GAD1: variants seen among roughly 807,000 people sequenced by gnomAD.
The protein encoded by GAD1 is glutamate decarboxylase 1.
GAD1 carries 35 observed loss-of-function variants against 75.2 expected under a neutral mutation model. The ratio of observed to expected loss-of-function variants is 0.47; its 90% CI spans 0.36 to 0.62. GAD1 has a LOEUF of 0.62. Among genes scored for constraint, GAD1 ranks in the 20% least tolerant of loss-of-function variants. GAD1 has a pLI of 0.00. For missense variants in GAD1, 490 were observed against 758.5 expected (o/e 0.65, Z 4.16); for synonymous variants, 257 against 271.9 (o/e 0.95, Z 0.54).
At chr2:170,840,827 G>A (rs1243818824) in intron 6 of GAD1, among the ~76,000 whole-genome samples, 4 of 152,080 alleles carry the variant, frequency 2.6e-5, no homozygotes, top group Admixed American at 2.0e-4. Flanking sequence ...TATAGTCTTC[G>A]ATCAGAGTGA....
chr2:170,842,491 C>G, intron 6 of GAD1: 2 of 1,245,828 alleles, frequency 1.6e-6, no homozygotes, highest in Non-Finnish European at 2.4e-6. Context: ...GGTTAAAAGC[C>G]CATCATGAGT....
rs1702794823 is a variant in GAD1 at position 170,853,751 on chromosome 2, A to G, written c.1264-122A>G. 1.7e-5 allele frequency: 16 copies of G among 958,364 alleles called. No individual in the cohort carries two copies. The highest frequency in any genetic ancestry group is 2.7e-4 in the Middle Eastern group (1 of 3,732). The allele number at this position is 958,364 out of a possible 1,614,324, so 59.4% of individuals were successfully genotyped here. A position where few individuals can be genotyped will look rare whatever the true frequency, so the allele number is the denominator to read the frequency against. ...CATCAGAACAAGTGTAAGGCCTCAT[A>G]AAGACATCAGAAGAAAGATTGCATA... is the stretch of plus-strand genomic sequence containing the variant. On this transcript the variant is annotated intron_variant, in intron 13 of 16. Transcript: ENST00000358196. The surrounding 1 kb of genome is among the most constrained non-coding windows in gnomAD (Gnocchi z 4.1).
chr2:170,849,238 C>G, intron 11 of GAD1, 48 bp from the exon 12 acceptor site: 1 of 1,540,380 alleles, frequency 6.5e-7, no homozygotes, highest in South Asian at 1.1e-5. Flanking sequence ...GTTTTAGATT[C>G]TTAAATGTCA....
In GAD1 at chr2:170,818,380, C is replaced by G; in HGVS notation, c.-63-149C>G. ...CTCCGCTGCCCCCACCCCTGCGCAC[C>G]CCTACCAGGCAGGCTCGCTGCCTTT... On this transcript the variant is annotated intron_variant, in intron 1 of 16. Coordinates refer to ENST00000358196, the MANE Select transcript of GAD1 (RefSeq NM_000817.3). This position sits in a 1 kb window ranked among gnomAD's most constrained non-coding sequence, Gnocchi z 5.9. 8.2e-6 allele frequency: 5 copies of G among 607,178 alleles called. No homozygotes were observed. Among genetic ancestry groups the G allele is most frequent in the Non-Finnish European group, 1.5e-5 (5 of 337,052 alleles). The allele number at this position is 607,178 out of a possible 1,614,324, so 37.6% of individuals were successfully genotyped here.
At chr2:170,831,887 G>A (rs1702242608) in intron 5 of GAD1, among the ~76,000 whole-genome samples, 2 of 150,352 alleles carry the variant, frequency 1.3e-5, no homozygotes, top group Non-Finnish European at 2.9e-5. Context: ...AGGAGGCTGA[G>A]GCCAAGAGGC....
chr2:170,860,160 A>C lies in GAD1; in HGVS notation c.*278A>C. On this transcript the variant is annotated 3_prime_UTR_variant, in exon 17 of 17. Transcript: ENST00000358196. ...TATAGTGAGTGTGGCTTAGTAATAG[A>C]TCACGGCATGTTTCCCGCTCCAAGA... is the stretch of plus-strand genomic sequence containing the variant. The C allele has an allele frequency of 2.8e-6, 1 of 360,840 alleles. No individual in the cohort carries two copies. Among genetic ancestry groups the C allele is most frequent in the Non-Finnish European group, 5.2e-6 (1 of 194,132 alleles). 22.4% of individuals were successfully genotyped at this position (360,840 alleles called of 1,614,324 possible).
At chr2:170,833,932 G>A (rs147381403) in intron 5 of GAD1, among the ~76,000 whole-genome samples, 126 of 152,114 alleles carry the variant, frequency 8.3e-4, no homozygotes, top group African/African-American at 2.8e-3. Flanking sequence ...CCCGGGAGGC[G>A]GAGGTTGCAG....
chr2:170,838,960 A>G (rs773858044), intron 6 of GAD1, among the ~76,000 whole-genome samples: 4 of 152,244 alleles, frequency 2.6e-5, no homozygotes, highest in Non-Finnish European at 2.9e-5. Flanking sequence ...GAGACAAGGC[A>G]TTGTCTGAAG....
chr2:170,834,175 G>T (rs1702310803), intron 5 of GAD1, among the ~76,000 whole-genome samples: 1 of 152,152 alleles, frequency 6.6e-6, no homozygotes, highest in Non-Finnish European at 1.5e-5. Flanking sequence ...GAAACCTCCT[G>T]CTATATCTCA....
At chr2:170,846,824 A>G (rs1295653527) in intron 10 of GAD1, among the ~76,000 whole-genome samples, 1 of 152,180 alleles carries the variant, frequency 6.6e-6, no homozygotes, top group Non-Finnish European at 1.5e-5. Context: ...TGGGCAACAT[A>G]GGGTAACCCA....
intron 12 of GAD1, among the ~76,000 whole-genome samples, chr2:170,851,713 T>C (rs1281757222): frequency 6.6e-6 from 1 of 152,158 alleles, no homozygotes; most frequent in Non-Finnish European, 1.5e-5. Flanking sequence ...TGCAAACCAA[T>C]GAGGCAAGTT....
chr2:170,849,252 C>T, intron 11 of GAD1, 34 bp from the exon 12 acceptor site: 4 of 1,591,530 alleles, frequency 2.5e-6, no homozygotes, highest in Non-Finnish European at 3.4e-6. Context: ...AATGTCACTG[C>T]TCCCCTCTTC....
In GAD1 at chr2:170,852,752, G is replaced by T; in HGVS notation, c.1223G>T (p.Gly408Val). 6.2e-7 allele frequency: 1 copy of T among 1,614,170 alleles called. No individual in the cohort carries two copies. The highest frequency in any genetic ancestry group is 8.5e-7 in the Non-Finnish European group (1 of 1,180,028). Residue 408 changes from glycine to valine, a missense_variant, in exon 13 of 17, where the codon GGC (glycine) becomes GTC (valine). Coordinates refer to ENST00000358196, the MANE Select transcript of GAD1 (RefSeq NM_000817.3). ...ACCTGGAACCCTCACAAGATGATGG[G>T]CGTGCTGTTGCAGTGCTCTGCCATT... ...SVTWNPHKMM[G>V]VLLQCSAILV...
At chr2:170,848,879 G>T in intron 11 of GAD1, 1 of 483,304 alleles carries the variant, frequency 2.1e-6, no homozygotes. Context: ...GAGTTTTTCA[G>T]GAGCTGTTAG....
chr2:170,828,648 C>CTCT (rs1702118438), intron 3 of GAD1, among the ~76,000 whole-genome samples: 1 of 140,942 alleles, frequency 7.1e-6, no homozygotes, highest in Admixed American at 7.0e-5. Context: ...CCTCACCCTC[C>CTCT]TCCCTCTGCT....
intron 15 of GAD1, among the ~76,000 whole-genome samples, chr2:170,858,246 A>G (rs953793285): frequency 6.6e-6 from 1 of 152,206 alleles, no homozygotes; most frequent in African/African-American, 2.4e-5. Context: ...AAGCACAGGA[A>G]TCTTTAGAGG....
At position 170,822,158 on chromosome 2, in the gene GAD1, C is replaced by A. The variant is rs780023152; in HGVS notation, c.145+9C>A. On this transcript the variant is annotated intron_variant, in intron 3 of 16. Transcript: ENST00000358196. The stretch of plus-strand genomic sequence containing the variant: ...GGGGCTCAAGATCTGCGGTAAGTGA[C>A]AGGACCCACTGGGGCCCGGCTGGGT... The A allele has an allele frequency of 6.2e-7, 1 of 1,611,830 alleles. No homozygotes were observed. Among genetic ancestry groups the A allele is most frequent in the Non-Finnish European group, 8.5e-7 (1 of 1,179,172 alleles).
chr2:170,856,942 C>T, intron 14 of GAD1, 76 bp from the exon 15 acceptor site: 2 of 1,122,690 alleles, frequency 1.8e-6, no homozygotes, highest in Non-Finnish European at 2.7e-6. Context: ...TTCCCATAGA[C>T]AGGGACAGCA....
chr2:170,837,808 G>A (rs1328571451), intron 6 of GAD1, among the ~76,000 whole-genome samples: 1 of 152,192 alleles, frequency 6.6e-6, no homozygotes, highest in Non-Finnish European at 1.5e-5. Flanking sequence ...CACTTTTTAA[G>A]TTCATAGAAA....
Sources: gnomAD v4.1 joint callset for allele counts (sites outside exome capture counted in the v4.1 genomes callset) on GRCh38, gnomAD v4.1.1 for gene constraint, Gnocchi (gnomAD v3.1) non-coding constraint, MANE v1.5 for transcripts, NCBI Gene and HGNC (gene_info 2026-07-23, HGNC 2026-07-21) for gene names.